GPC5: variants seen among roughly 807,000 people sequenced by gnomAD.
GPC5 encodes glypican 5.
GPC5 carries 47 observed loss-of-function variants against 53.9 expected under a neutral mutation model. That is an observed-to-expected ratio of 0.87 (90% CI 0.69 to 1.11). The LOEUF (loss-of-function observed/expected upper bound fraction) is 1.11. Among genes scored for constraint, GPC5 ranks in the 50% most tolerant of loss-of-function variants. The pLI is 0.00. For missense variants in GPC5, 748 were observed against 713.1 expected, an observed-to-expected ratio of 1.05 and a Z score of -0.56; for synonymous variants, 286 against 263.3, an observed-to-expected ratio of 1.09 and a Z score of -0.84.
rs752907631 is a variant in GPC5, at chr13:91,750,674, CTTTTTTTTTTTTT to C, written c.1155-5610_1155-5598del. ...TTTGCTCTGTGGTAGTAGGTAAGTCCTTTTTTTTTTTTTTTTTTTTTTTGAGATGGAGTTTCGC... is the reference window on the plus strand; with the variant it reads ...TTTGCTCTGTGGTAGTAGGTAAGTCCTTTTTTTTTTGAGATGGAGTTTCGC... On this transcript the variant is annotated intron_variant, in intron 4 of 7. Coordinates refer to ENST00000377067, the MANE Select transcript of GPC5 (RefSeq NM_004466.6). Among the ~76,000 whole-genome samples, 14 of 82,028 alleles carry C rather than the reference CTTTTTTTTTTTTT, an allele frequency of 1.7e-4. No individual in the cohort carries two copies. In the South Asian group the frequency reaches 2.1e-3, roughly 12 times the overall value. 53.8% of individuals were successfully genotyped at this position (82,028 alleles called of 152,430 possible). A position where few individuals can be genotyped will look rare whatever the true frequency, so the allele number is the denominator to read the frequency against.
intron 7 of GPC5, among the ~76,000 whole-genome samples, chr13:92,415,676 T>TA (rs34520808): frequency 0.46 from 66,242 of 143,470 alleles, 14,887 homozygotes; most frequent in East Asian, 0.58. Context: ...CAGCTGGAGG[T>TA]AAAAAAAAAA....
intron 7 of GPC5, among the ~76,000 whole-genome samples, chr13:92,189,973 G>T (rs1351822836): frequency 6.6e-6 from 1 of 152,120 alleles, no homozygotes; most frequent in Non-Finnish European, 1.5e-5. Context: ...CCAAATTCAT[G>T]TCAGACACCA....
At chr13:92,783,654 C>T (rs1353351405) in intron 7 of GPC5, among the ~76,000 whole-genome samples, 1 of 152,114 alleles carries the variant, frequency 6.6e-6, no homozygotes, top group Non-Finnish European at 1.5e-5. Context: ...CACAAAGGAG[C>T]TCTAGGCCAA....
chr13:91,440,817 T>C (rs1432291196), intron 1 of GPC5, among the ~76,000 whole-genome samples: 1 of 152,228 alleles, frequency 6.6e-6, no homozygotes, highest in Non-Finnish European at 1.5e-5. Flanking sequence ...ATTCAGTTCC[T>C]TCATCCTTAG....
chr13:92,523,019 T>C (rs528112328), intron 7 of GPC5, among the ~76,000 whole-genome samples: 1 of 152,236 alleles, frequency 6.6e-6, no homozygotes, highest in African/African-American at 2.4e-5. Flanking sequence ...TGTTACAACA[T>C]TCGTTGGAAA....
chr13:91,820,895 G>A (rs557491800), intron 5 of GPC5, among the ~76,000 whole-genome samples: 37 of 152,016 alleles, frequency 2.4e-4, no homozygotes, highest in East Asian at 1.9e-3. Context: ...CCCGGGAAGC[G>A]GAGCTTGCAG....
intron 7 of GPC5, among the ~76,000 whole-genome samples, chr13:92,480,238 T>C (rs73632247): frequency 0.027 from 4,166 of 152,244 alleles, 197 homozygotes; most frequent in African/African-American, 0.095. Context: ...GTGCTAAGAT[T>C]TGTATGGAGT....
chr13:91,533,732 T>G (rs764799268), intron 2 of GPC5, among the ~76,000 whole-genome samples: 1 of 152,202 alleles, frequency 6.6e-6, no homozygotes, highest in Non-Finnish European at 1.5e-5. Context: ...GTAACTTCCA[T>G]AAATCTTTTT....
chr13:91,819,787 G>A (rs1408416085), intron 5 of GPC5, among the ~76,000 whole-genome samples: 1 of 152,078 alleles, frequency 6.6e-6, no homozygotes, highest in African/African-American at 2.4e-5. Context: ...TGGATTATAA[G>A]TTTTGCATGC....
At chr13:91,572,217 A>ATACACATATGTATATACATGTGTATG (rs1566517664) in intron 2 of GPC5, among the ~76,000 whole-genome samples, 1 of 89,414 alleles carries the variant, frequency 1.1e-5, no homozygotes, top group African/African-American at 4.6e-5. Flanking sequence ...ATACGTGTAT[A>ATACACATATGTATATACATGTGTATG]TATATACACA....
At chr13:91,440,974 A>G (rs1182535037) in intron 1 of GPC5, among the ~76,000 whole-genome samples, 2 of 152,152 alleles carry the variant, frequency 1.3e-5, no homozygotes, top group Non-Finnish European at 2.9e-5. Flanking sequence ...TTCACTTTCT[A>G]GAAACTCTTC....
At chr13:92,530,173 T>C (rs1186795510) in intron 7 of GPC5, among the ~76,000 whole-genome samples, 2 of 152,150 alleles carry the variant, frequency 1.3e-5, no homozygotes, top group African/African-American at 2.4e-5. Flanking sequence ...GGAGAATTTA[T>C]AGAACACTTA....
chr13:91,975,465 T>A (rs2040290652), intron 6 of GPC5, among the ~76,000 whole-genome samples: 1 of 152,144 alleles, frequency 6.6e-6, no homozygotes, highest in Non-Finnish European at 1.5e-5. Context: ...GCAAAGGATA[T>A]GAACAGACAC....
At chr13:92,569,246 A>G (rs574022935) in intron 7 of GPC5, among the ~76,000 whole-genome samples, 1 of 151,930 alleles carries the variant, frequency 6.6e-6, no homozygotes, top group South Asian at 2.1e-4. Flanking sequence ...GTCCCTACAA[A>G]GCAGTTCATA....
At chr13:91,452,348 C>A (rs74106761) in intron 2 of GPC5, among the ~76,000 whole-genome samples, 1,740 of 152,194 alleles carry the variant, frequency 0.011, 34 homozygotes, top group African/African-American at 0.041. Flanking sequence ...TAAGGGCAAT[C>A]ATCCATGAAG....
chr13:92,835,696 T>C (rs767847612), intron 7 of GPC5, among the ~76,000 whole-genome samples: 54 of 152,158 alleles, frequency 3.5e-4, no homozygotes, highest in Middle Eastern at 3.4e-3. Context: ...TCTATTTCTA[T>C]GAAATATTTT....
chr13:92,369,706 A>G (rs934029828), intron 7 of GPC5, among the ~76,000 whole-genome samples: 1 of 152,220 alleles, frequency 6.6e-6, no homozygotes. Flanking sequence ...TATCATAAAA[A>G]TGCTTGCAGG....
intron 6 of GPC5, among the ~76,000 whole-genome samples, chr13:92,033,268 T>G (rs1260039770): frequency 6.6e-6 from 1 of 152,164 alleles, no homozygotes; most frequent in East Asian, 1.9e-4. Context: ...ATAAATATTT[T>G]TAGAATAAAG....
intron 6 of GPC5, among the ~76,000 whole-genome samples, chr13:92,099,115 G>GT (rs1394759467): frequency 6.6e-6 from 1 of 151,940 alleles, no homozygotes; most frequent in Non-Finnish European, 1.5e-5. Context: ...CCCAAGACAA[G>GT]TTTTTTTCCC....
Sources: gnomAD v4.1 joint callset for allele counts (sites outside exome capture counted in the v4.1 genomes callset) on GRCh38, gnomAD v4.1.1 for gene constraint, MANE v1.5 for transcripts, NCBI Gene and HGNC (gene_info 2026-07-23, HGNC 2026-07-21) for gene names.